Variants in NECTIN2 observed in about 807,000 individuals in gnomAD.
The protein encoded by NECTIN2 is nectin-2.
In NECTIN2, 23 loss-of-function variants were observed where a neutral mutation model predicts 56.9. That is an observed-to-expected ratio of 0.40 (90% CI 0.29 to 0.57). NECTIN2 has a LOEUF of 0.57. NECTIN2 is among the 20% of genes least tolerant of loss of function. The pLI is 0.38. For missense variants in NECTIN2, 587 were observed against 718.3 expected, an observed-to-expected ratio of 0.82 and a Z score of 2.09; for synonymous variants, 302 against 313.8, an observed-to-expected ratio of 0.96 and a Z score of 0.40.
At chr19:44,846,687 G>A (rs1968838962) in intron 1 of NECTIN2, 74 bp downstream of exon 1, 1 of 1,468,244 alleles carries the variant, frequency 6.8e-7, no homozygotes, top group Non-Finnish European at 9.0e-7. Flanking sequence ...GGGAAGCCGA[G>A]CACCTTCCCC....
intron 2 of NECTIN2, 68 bp from the exon 3 acceptor site, chr19:44,871,785 C>T (rs1969176707): frequency 1.3e-6 from 2 of 1,531,504 alleles, no homozygotes; most frequent in South Asian, 1.2e-5. Context: ...CCACCCTGCT[C>T]CTCTGCTGAG....
Position 44,886,185 on chromosome 19 carries a change from C to T in NECTIN2, c.1313C>T (p.Pro438Leu). The T allele has an allele frequency of 6.2e-7, 1 of 1,612,788 alleles. No individual in the cohort carries two copies. The highest frequency in any genetic ancestry group is 1.3e-5 in the African/African-American group (1 of 75,014). Reference sequence around the variant, plus strand: ...TCGGAGCACAGCCCACTCAAGACCCCCTACTTTGATGCTGGCGCCTCATGC... The same window carrying T: ...TCGGAGCACAGCCCACTCAAGACCCTCTACTTTGATGCTGGCGCCTCATGC... ...GASEHSPLKT[P>L]YFDAGASCTE... Residue 438 changes from proline to leucine, a missense_variant, in exon 8 of 9, where the codon CCC (proline) becomes CTC (leucine). Physicochemically the swap from Pro to Leu is moderately conservative, Grantham distance 98 (BLOSUM62 -3). Coordinates refer to ENST00000252483, the MANE Select transcript of NECTIN2 (RefSeq NM_001042724.2).
rs754151080 is a variant in NECTIN2, at chr19:44,885,947, C to A, written c.1207C>A (p.Pro403Thr). 1.9e-6 allele frequency: 3 copies of A among 1,588,266 alleles called. No homozygotes were observed. The highest frequency in any genetic ancestry group is 2.6e-6 in the Non-Finnish European group (3 of 1,156,718). The change falls in exon 7 of 9, where the codon CCT becomes ACT. Residue 403 changes from proline to threonine, a missense_variant. Coordinates refer to ENST00000252483, the MANE Select transcript of NECTIN2 (RefSeq NM_001042724.2). ...GAEEDEDLEGPPSYKPPTPKA... is the reference protein window; with the variant it reads ...GAEEDEDLEGTPSYKPPTPKA... ...CCTCCTACCCCACAGCCTGGAGGGA[C>A]CTCCCTCCTACAAGCCACCGACCCC...
At position 44,883,463 on chromosome 19, in the gene NECTIN2, C is replaced by T. The variant is rs570631103; in HGVS notation, c.1196+1099C>T. Reference sequence around the variant, plus strand: ...CTAATTTTTGTATTTTTAGTAGAGACGGAGTTTCACCATGTTGGCCAGGCT... The same window carrying T: ...CTAATTTTTGTATTTTTAGTAGAGATGGAGTTTCACCATGTTGGCCAGGCT... On this transcript the variant is annotated intron_variant, in intron 6 of 8. Coordinates refer to ENST00000252483, the MANE Select transcript of NECTIN2 (RefSeq NM_001042724.2). 1.6e-3 allele frequency among the ~76,000 whole-genome samples: 240 copies of T among 152,184 alleles called. 1 individual carries two copies. Among genetic ancestry groups the T allele is most frequent in the African/African-American group, 5.2e-3 (214 of 41,522 alleles).
chr19:44,881,798 G>A (rs1463716551), intron 5 of NECTIN2, among the ~76,000 whole-genome samples: 1 of 152,160 alleles, frequency 6.6e-6, no homozygotes, highest in Non-Finnish European at 1.5e-5. Context: ...TCAGGCCCTT[G>A]CTCAGTTGTC....
intron 1 of NECTIN2, among the ~76,000 whole-genome samples, chr19:44,864,011 T>TA (rs1555786367): frequency 4.0e-5 from 2 of 50,322 alleles, no homozygotes; most frequent in East Asian, 1.5e-3. Context: ...TTTCAGAGGA[T>TA]TCCCCCCCCC....
intron 5 of NECTIN2, among the ~76,000 whole-genome samples, chr19:44,877,231 G>A (rs1200488419): frequency 6.6e-6 from 1 of 152,074 alleles, no homozygotes; most frequent in East Asian, 1.9e-4. Flanking sequence ...AGGTGTAGAG[G>A]TGGGGTCAGG....
intron 1 of NECTIN2, among the ~76,000 whole-genome samples, chr19:44,864,872 A>G (rs537770819): frequency 1.3e-5 from 2 of 151,882 alleles, no homozygotes; most frequent in South Asian, 2.1e-4. Context: ...CACCTTCTCC[A>G]CCTAGACCCA....
At chr19:44,855,752 C>T (rs1968958365) in intron 1 of NECTIN2, among the ~76,000 whole-genome samples, 1 of 152,204 alleles carries the variant, frequency 6.6e-6, no homozygotes, top group South Asian at 2.1e-4. Flanking sequence ...CATTCATTCA[C>T]TTGGCAGTGT....
intron 2 of NECTIN2, among the ~76,000 whole-genome samples, chr19:44,871,400 T>C (rs1969173044): frequency 6.6e-6 from 1 of 152,104 alleles, no homozygotes; most frequent in African/African-American, 2.4e-5. Flanking sequence ...TGGTGGTGCA[T>C]GCCTATGGTC....
chr19:44,886,399 AG>A (rs1270235094), intron 8 of NECTIN2, among the ~76,000 whole-genome samples, 180 bp downstream of exon 8: 1 of 152,088 alleles, frequency 6.6e-6, no homozygotes, highest in African/African-American at 2.4e-5. Context: ...AGGGGTGAAA[AG>A]GCCCAAGGTC....
chr19:44,882,451 C>G (rs1463874806), intron 6 of NECTIN2, 87 bp downstream of exon 6: 2 of 1,215,112 alleles, frequency 1.6e-6, no homozygotes, highest in Non-Finnish European at 1.1e-6. Flanking sequence ...AGAAAATTCT[C>G]CATAATGGCT....
chr19:44,878,609 G>A, intron 5 of NECTIN2: 1 of 1,597,464 alleles, frequency 6.3e-7, no homozygotes, highest in Non-Finnish European at 8.5e-7. Context: ...ACGGCGGGCA[G>A]TTTATGTGTG....
At chr19:44,859,968 C>T (rs535794030) in intron 1 of NECTIN2, among the ~76,000 whole-genome samples, 5 of 152,270 alleles carry the variant, frequency 3.3e-5, no homozygotes, top group Non-Finnish European at 5.9e-5. Flanking sequence ...TGCCTATCAG[C>T]GGCTGAATGG....
Position 44,874,452 on chromosome 19 carries a change from G to T in NECTIN2, c.1016G>T (p.Arg339Leu). Reference sequence around the variant, plus strand: ...GTCACCAATGCCGTGGGCATGGGCCGCGCTGAGCAGGTCATCTTTGTCCGA... The same window carrying T: ...GTCACCAATGCCGTGGGCATGGGCCTCGCTGAGCAGGTCATCTTTGTCCGA... ...CTVTNAVGMG[R>L]AEQVIFVRET... The change falls in exon 5 of 9, where the codon CGC becomes CTC. Residue 339 changes from arginine (R) to leucine (L), a missense_variant. Physicochemically the swap from Arg to Leu is moderately radical, Grantham distance 102. Coordinates refer to ENST00000252483, the MANE Select transcript of NECTIN2 (RefSeq NM_001042724.2). This position sits in a 1 kb window ranked among gnomAD's most constrained non-coding sequence, Gnocchi z 6.3. The T allele has an allele frequency of 6.2e-7, 1 of 1,613,952 alleles. No homozygotes were observed. The highest frequency in any genetic ancestry group is 8.5e-7 in the Non-Finnish European group (1 of 1,180,028).
At position 44,874,073 on chromosome 19, in the gene NECTIN2, C is replaced by A. The variant is rs1447278841; in HGVS notation, c.893+40C>A. On this transcript the variant is annotated intron_variant, in intron 4 of 8. Coordinates refer to ENST00000252483, the MANE Select transcript of NECTIN2 (RefSeq NM_001042724.2). This position sits in a 1 kb window ranked among gnomAD's most constrained non-coding sequence, Gnocchi z 6.3. The stretch of plus-strand genomic sequence containing the variant: ...CTCAGAACCCTGGGTCTGAGGGAGG[C>A]GGGGCTGGGGGCCTGGACTCCTGGA... 6.6e-7 allele frequency: 1 copy of A among 1,520,922 alleles called. No homozygotes were observed. Among genetic ancestry groups the A allele is most frequent in the Non-Finnish European group, 9.1e-7 (1 of 1,101,646 alleles). 94.2% of individuals were successfully genotyped at this position (1,520,922 alleles called of 1,614,324 possible). A position where few individuals can be genotyped will look rare whatever the true frequency, so the allele number is the denominator to read the frequency against.
At chr19:44,859,020 C>G (rs1213295958) in intron 1 of NECTIN2, among the ~76,000 whole-genome samples, 1 of 152,186 alleles carries the variant, frequency 6.6e-6, no homozygotes, top group Non-Finnish European at 1.5e-5. Context: ...TCGGCCTGTC[C>G]CCACCCAAGG....
At chr19:44,848,299 C>T (rs186164528) in intron 1 of NECTIN2, among the ~76,000 whole-genome samples, 24 of 152,290 alleles carry the variant, frequency 1.6e-4, no homozygotes, top group African/African-American at 5.5e-4. Context: ...AAGGCTCCAG[C>T]TTGCCCTGGG....
intron 1 of NECTIN2, among the ~76,000 whole-genome samples, chr19:44,858,511 C>T (rs1313943110): frequency 2.0e-5 from 3 of 151,720 alleles, no homozygotes; most frequent in Admixed American, 6.6e-5. Flanking sequence ...TTGGTAGAGA[C>T]GGGGTTTCAC....
Sources: allele counts gnomAD v4.1 joint callset (sites outside exome capture counted in the v4.1 genomes callset), GRCh38; gene constraint gnomAD v4.1.1; non-coding constraint Gnocchi (gnomAD v3.1); transcripts MANE v1.5; gene names NCBI Gene and HGNC (gene_info 2026-07-23, HGNC 2026-07-21).